The following XIRP2 variants were observed in gnomAD, a reference collection of about 807,000 sequenced individuals.
The protein encoded by XIRP2 is xin actin-binding repeat-containing protein 2.
In XIRP2, 236 loss-of-function variants were observed where a neutral mutation model predicts 277.0. The observed-to-expected ratio is 0.85, with a 90% CI of 0.77 to 0.95. The LOEUF is 0.95. Ranked by LOEUF, XIRP2 falls within the 40% of genes least tolerant of loss-of-function variation. The pLI, the probability that XIRP2 is intolerant of heterozygous loss-of-function variation, is 0.00. For synonymous variants in XIRP2, 1,490 were observed against 1,416.5 expected (o/e 1.05, Z -1.17); for missense variants, 4,640 against 4,157.5 (o/e 1.12, Z -3.19).
At chr2:167,014,413 C>T (rs1247239447) in intron 2 of XIRP2, among the ~76,000 whole-genome samples, 3 of 151,372 alleles carry the variant, frequency 2.0e-5, no homozygotes, top group Non-Finnish European at 3.0e-5. Flanking sequence ...ATATTGTTTC[C>T]ACAAAAGAAT....
intron 3 of XIRP2, among the ~76,000 whole-genome samples, chr2:167,155,119 A>G (rs201372386): frequency 6.8e-6 from 1 of 146,688 alleles, no homozygotes; most frequent in African/African-American, 2.6e-5. Context: ...TTACCAACCA[A>G]AAAGACTCCA....
chr2:167,187,903 A>T (rs937816866), intron 3 of XIRP2, among the ~76,000 whole-genome samples: 2 of 152,098 alleles, frequency 1.3e-5, no homozygotes, highest in Non-Finnish European at 2.9e-5. Context: ...TATAAATTGT[A>T]TTTCTTGGAA....
In XIRP2 at chr2:167,251,506, T is replaced by G. The variant is rs1158332784; in HGVS notation, c.10114T>G (p.Cys3372Gly). ...CATACAACAAGAAAGTCGTACATTTTGTAAGGAGGAATTTGGATTAACATC... is the reference window on the plus strand; with the variant it reads ...CATACAACAAGAAAGTCGTACATTTGGTAAGGAGGAATTTGGATTAACATC... Reference protein sequence around the residue: ...HNIQQESRTFCKEEFGLTSLG... With the variant: ...HNIQQESRTFGKEEFGLTSLG... The change falls in exon 9 of 11, where the codon TGT (cysteine) becomes GGT (glycine). Residue 3372 changes from cysteine to glycine, a missense_variant. Physicochemically the swap from Cys to Gly is radical, Grantham distance 159. Coordinates refer to ENST00000409195, the MANE Select transcript of XIRP2 (RefSeq NM_152381.6). 6.2e-7 allele frequency: 1 copy of G among 1,613,508 alleles called. No individual in the cohort carries two copies. Among genetic ancestry groups the G allele is most frequent in the Admixed American group, 1.7e-5 (1 of 59,956 alleles).
At chr2:167,187,441 C>T in intron 3 of XIRP2, 1 of 985,312 alleles carries the variant, frequency 1.0e-6, no homozygotes, top group Non-Finnish European at 1.2e-6. Flanking sequence ...ATTGGCTGTA[C>T]ATGAAACAAG....
chr2:166,981,928 C>A (rs1229678592), intron 2 of XIRP2, among the ~76,000 whole-genome samples: 3 of 152,186 alleles, frequency 2.0e-5, no homozygotes, highest in Non-Finnish European at 4.4e-5. Flanking sequence ...TTCTCATACT[C>A]TTCTTTCTTT....
At chr2:166,909,775 T>G (rs905156041) in intron 2 of XIRP2, among the ~76,000 whole-genome samples, 1 of 152,200 alleles carries the variant, frequency 6.6e-6, no homozygotes, top group Non-Finnish European at 1.5e-5. Flanking sequence ...GCTCTTATTA[T>G]TTTGAGATAC....
At chr2:167,229,801 A>C (rs1393463254) in intron 5 of XIRP2, among the ~76,000 whole-genome samples, 1 of 152,172 alleles carries the variant, frequency 6.6e-6, no homozygotes, top group Non-Finnish European at 1.5e-5. Context: ...TCCTAGAGCC[A>C]TGCTGTTGTA....
intron 10 of XIRP2, 100 bp downstream of exon 10, chr2:167,254,265 G>A: frequency 7.7e-7 from 1 of 1,305,476 alleles, no homozygotes; most frequent in Non-Finnish European, 9.9e-7. Flanking sequence ...AGATCTTGTT[G>A]CTGCGTCAGT....
intron 2 of XIRP2, among the ~76,000 whole-genome samples, chr2:167,093,145 AATAG>A (rs1290335773): frequency 4.6e-5 from 7 of 152,012 alleles, no homozygotes; most frequent in Admixed American, 4.6e-4. Context: ...TGTTACACAT[AATAG>A]ATGCGTAATC....
At chr2:167,101,466 C>T (rs1333207508) in intron 2 of XIRP2, among the ~76,000 whole-genome samples, 1 of 152,144 alleles carries the variant, frequency 6.6e-6, no homozygotes, top group Non-Finnish European at 1.5e-5. Context: ...TCATCCCTCA[C>T]CCACTTCCCA....
At chr2:166,930,492 A>C (rs902218493) in intron 2 of XIRP2, among the ~76,000 whole-genome samples, 1 of 152,172 alleles carries the variant, frequency 6.6e-6, no homozygotes, top group African/African-American at 2.4e-5. Flanking sequence ...CAATAGACTC[A>C]TGGAAGACTC....
At chr2:166,999,806 A>G (rs1687318138) in intron 2 of XIRP2, among the ~76,000 whole-genome samples, 1 of 152,162 alleles carries the variant, frequency 6.6e-6, no homozygotes. Context: ...AAAATTCAAG[A>G]GCATTTCAAG....
intron 2 of XIRP2, among the ~76,000 whole-genome samples, chr2:166,952,269 C>T (rs1223584175): frequency 6.6e-6 from 1 of 151,960 alleles, no homozygotes; most frequent in Admixed American, 6.6e-5. Context: ...CTTGCAATCC[C>T]TAATCTTTTT....
At chr2:167,052,677 G>A (rs1558962464) in intron 2 of XIRP2, among the ~76,000 whole-genome samples, 2 of 152,106 alleles carry the variant, frequency 1.3e-5, no homozygotes, top group Non-Finnish European at 2.9e-5. Context: ...TACTGCTGCA[G>A]AGAAGGCACA....
intron 3 of XIRP2, among the ~76,000 whole-genome samples, chr2:167,189,634 T>C (rs1693267206): frequency 1.3e-5 from 2 of 152,172 alleles, no homozygotes; most frequent in African/African-American, 4.8e-5. Context: ...AATTAATGAC[T>C]TTTTTAGAAC....
chr2:167,040,953 G>A (rs1015694834), intron 2 of XIRP2, among the ~76,000 whole-genome samples: 6 of 152,192 alleles, frequency 3.9e-5, no homozygotes, highest in African/African-American at 1.4e-4. Context: ...ACACATGCAT[G>A]GGACAGCCCG....
Position 167,244,876 on chromosome 2 carries a change from G to T in XIRP2, c.3484G>T (p.Val1162Phe). ...ACAGGAGGAGATCCAAGGTGGGGAT[G>T]TTCGTACAGCATGTTTTCTTTTTGA... ...VKQEEIQGGD[V>F]RTACFLFETE... is the part of the protein sequence containing the mutation. Residue 1162 changes from valine to phenylalanine, a missense_variant, in exon 9 of 11, where the codon GTT becomes TTT. Val to Phe is a conservative substitution (Grantham distance 50). Coordinates refer to ENST00000409195, the MANE Select transcript of XIRP2 (RefSeq NM_152381.6). The T allele has an allele frequency of 1.9e-6, 3 of 1,613,650 alleles. No individual in the cohort carries two copies. The highest frequency in any genetic ancestry group is 2.5e-6 in the Non-Finnish European group (3 of 1,179,770).
intron 5 of XIRP2, among the ~76,000 whole-genome samples, chr2:167,236,433 T>A (rs1422731166): frequency 6.6e-6 from 1 of 151,972 alleles, no homozygotes; most frequent in African/African-American, 2.4e-5. Flanking sequence ...AACAATAGAT[T>A]TTTGTGATAT....
intron 5 of XIRP2, among the ~76,000 whole-genome samples, chr2:167,225,796 C>A (rs916792898): frequency 5.9e-5 from 9 of 152,194 alleles, no homozygotes; most frequent in Non-Finnish European, 1.3e-4. Flanking sequence ...AAATCTTTCA[C>A]TGAATTTTTC....
Sources: allele counts gnomAD v4.1 joint callset (sites outside exome capture counted in the v4.1 genomes callset), GRCh38; gene constraint gnomAD v4.1.1; transcripts MANE v1.5; gene names NCBI Gene and HGNC (gene_info 2026-07-23, HGNC 2026-07-21).